Variants in GALNT13 observed in about 807,000 individuals in gnomAD.
The protein encoded by GALNT13 is polypeptide N-acetylgalactosaminyltransferase 13, also known as UDP-GalNAc:polypeptide N-acetylgalactosaminyltransferase 13.
Under a neutral mutation model 64.2 loss-of-function variants are expected in GALNT13, and 28 were observed. The observed-to-expected ratio is 0.44, with a 90% CI of 0.32 to 0.60. The LOEUF (loss-of-function observed/expected upper bound fraction) is 0.60, where lower values mean the gene tolerates loss of function less well. GALNT13 is among the 20% of genes least tolerant of loss of function. GALNT13 has a pLI of 0.05. For synonymous variants in GALNT13, 214 were observed against 224.6 expected, an observed-to-expected ratio of 0.95 and a Z score of 0.42; for missense variants, 577 against 669.8, an observed-to-expected ratio of 0.86 and a Z score of 1.53.
the GALNT13 span, among the ~76,000 whole-genome samples, chr2:153,313,085 T>A: frequency 6.6e-6 from 1 of 152,166 alleles, no homozygotes; most frequent in East Asian, 1.9e-4. Flanking sequence ...GCTTATACAC[T>A]GTTGGGAGTG....
chr2:153,693,969 G>A, the GALNT13 span, among the ~76,000 whole-genome samples: 9 of 152,130 alleles, frequency 5.9e-5, no homozygotes, highest in East Asian at 1.9e-4. Flanking sequence ...TTAGCCGGGC[G>A]TGGTGGCGGG....
At chr2:153,238,808 T>C in the GALNT13 span, among the ~76,000 whole-genome samples, 1 of 152,174 alleles carries the variant, frequency 6.6e-6, no homozygotes, top group East Asian at 1.9e-4. Flanking sequence ...TTGCTCAGAA[T>C]GCTTTTGGCT....
At chr2:153,855,863 T>G in the GALNT13 span, among the ~76,000 whole-genome samples, 1 of 152,176 alleles carries the variant, frequency 6.6e-6, no homozygotes. Context: ...TAAAATGTGG[T>G]ATGTTTATCT....
the GALNT13 span, chr2:153,187,664 A>G: frequency 6.6e-6 from 1 of 152,316 alleles, no homozygotes; most frequent in African/African-American, 2.4e-5. Context: ...ATAAGGATAC[A>G]AATAAGTGGG....
At chr2:153,370,485 T>G in the GALNT13 span, 1 of 152,164 alleles carries the variant, frequency 6.6e-6, no homozygotes, top group Non-Finnish European at 1.5e-5. Context: ...TTTGAGTTTG[T>G]CCCTGGAAGT....
intron 3 of GALNT13, among the ~76,000 whole-genome samples, chr2:153,971,945 A>G (rs897907688): frequency 3.9e-5 from 6 of 152,120 alleles, no homozygotes; most frequent in South Asian, 2.1e-4. Flanking sequence ...TCTAAATCCA[A>G]TGACCAGTGT....
chr2:154,394,161 C>A (rs567301611), intron 9 of GALNT13, among the ~76,000 whole-genome samples: 1 of 144,600 alleles, frequency 6.9e-6, no homozygotes, highest in Non-Finnish European at 1.5e-5. Flanking sequence ...TCAGAAAAAC[C>A]TTCTAGGACT....
the GALNT13 span, among the ~76,000 whole-genome samples, chr2:153,811,591 C>G: frequency 1.4e-4 from 21 of 152,290 alleles, no homozygotes; most frequent in African/African-American, 5.1e-4. Flanking sequence ...ACAAATAAAT[C>G]TTTGCTACTA....
At chr2:153,684,602 G>A in the GALNT13 span, among the ~76,000 whole-genome samples, 1 of 151,568 alleles carries the variant, frequency 6.6e-6, no homozygotes, top group Non-Finnish European at 1.5e-5. Flanking sequence ...ATTCCTGATT[G>A]ATTTCCTTGT....
At chr2:154,290,362 A>G (rs1237753141) in intron 8 of GALNT13, among the ~76,000 whole-genome samples, 2 of 152,226 alleles carry the variant, frequency 1.3e-5, no homozygotes, top group Non-Finnish European at 2.9e-5. Context: ...CCAAGGAAGG[A>G]AGCAAGGGGC....
At chr2:153,418,637 C>T in the GALNT13 span, among the ~76,000 whole-genome samples, 1 of 152,206 alleles carries the variant, frequency 6.6e-6, no homozygotes, top group South Asian at 2.1e-4. Flanking sequence ...CACGGATGAC[C>T]TTGACAGGAG....
the GALNT13 span, among the ~76,000 whole-genome samples, chr2:153,256,865 CAGGGACATTTA>C: frequency 8.5e-5 from 13 of 152,356 alleles, no homozygotes; most frequent in African/African-American, 2.6e-4. Flanking sequence ...AGCTGTCAGA[CAGGGACATTTA>C]AGTCTGCAGA....
At chr2:153,240,424 C>A in the GALNT13 span, among the ~76,000 whole-genome samples, 1 of 151,988 alleles carries the variant, frequency 6.6e-6, no homozygotes, top group African/African-American at 2.4e-5. Context: ...AAATTTGGGG[C>A]TCATCCAGGA....
At chr2:153,306,404 G>T in the GALNT13 span, among the ~76,000 whole-genome samples, 17 of 152,148 alleles carry the variant, frequency 1.1e-4, no homozygotes, top group Non-Finnish European at 1.6e-4. Flanking sequence ...GCCACATATA[G>T]ATGAAAATTT....
intron 1 of GALNT13, among the ~76,000 whole-genome samples, chr2:153,873,292 A>T (rs1191460816): frequency 6.6e-6 from 1 of 152,188 alleles, no homozygotes; most frequent in African/African-American, 2.4e-5. Context: ...AGTGGAGGGC[A>T]CCGCAGCAGG....
the GALNT13 span, among the ~76,000 whole-genome samples, chr2:153,250,630 C>T: frequency 1.3e-5 from 2 of 152,102 alleles, no homozygotes; most frequent in African/African-American, 4.8e-5. Flanking sequence ...TGGAACCAAC[C>T]CAAATGCCCA....
At chr2:153,200,111 G>C in the GALNT13 span, among the ~76,000 whole-genome samples, 1 of 152,166 alleles carries the variant, frequency 6.6e-6, no homozygotes, top group Non-Finnish European at 1.5e-5. Flanking sequence ...GAGGACTTTG[G>C]AGTTGATGGA....
intron 4 of GALNT13, among the ~76,000 whole-genome samples, chr2:154,238,641 G>T (rs1689319779): frequency 6.6e-6 from 1 of 151,884 alleles, no homozygotes; most frequent in South Asian, 2.1e-4. Context: ...ACATAGAAAA[G>T]AACTAATTTG....
At chr2:153,322,941 T>C in the GALNT13 span, among the ~76,000 whole-genome samples, 2 of 152,210 alleles carry the variant, frequency 1.3e-5, no homozygotes, top group Non-Finnish European at 2.9e-5. Flanking sequence ...CTATTGTGAA[T>C]AGTGCTTCAA....
Sources: allele counts gnomAD v4.1 joint callset (sites outside exome capture counted in the v4.1 genomes callset), GRCh38; gene constraint gnomAD v4.1.1; transcripts MANE v1.5; gene names NCBI Gene and HGNC (gene_info 2026-07-23, HGNC 2026-07-21).